Variants in RBFOX1 observed in about 807,000 individuals in gnomAD.
RBFOX1 encodes RNA binding protein fox-1 homolog 1.
Under a neutral mutation model 57.7 loss-of-function variants are expected in RBFOX1, and 8 were observed. That is an observed-to-expected ratio of 0.14 (90% CI 0.08 to 0.25). The LOEUF (loss-of-function observed/expected upper bound fraction) is 0.25. RBFOX1 is among the 10% of genes least tolerant of loss of function. The pLI is 1.00. For missense variants in RBFOX1, 611 were observed against 548.5 expected (o/e 1.11, Z -1.14); for synonymous variants, 326 against 222.4 (o/e 1.47, Z -4.15).
intron 3 of RBFOX1, chr16:5,616,057 C>G (rs1301113421): frequency 6.6e-6 from 1 of 152,622 alleles, no homozygotes; most frequent in Non-Finnish European, 1.5e-5. Context: ...ACTCCCCTCC[C>G]TGCTCCGGGG....
At chr16:6,515,099 G>A (rs2096347518) in intron 2 of RBFOX1, among the ~76,000 whole-genome samples, 1 of 149,406 alleles carries the variant, frequency 6.7e-6, no homozygotes, top group African/African-American at 2.5e-5. Flanking sequence ...GAGAAGGAGA[G>A]AAGAAATGGG....
intron 4 of RBFOX1, among the ~76,000 whole-genome samples, chr16:5,943,437 TTTC>T (rs1269981812): frequency 6.6e-6 from 1 of 152,112 alleles, no homozygotes; most frequent in Non-Finnish European, 1.5e-5. Flanking sequence ...GCAGGAAACA[TTTC>T]TGGGTCAAAA....
chr16:5,378,460 G>C (rs889884385), intron 1 of RBFOX1, among the ~76,000 whole-genome samples: 3 of 151,456 alleles, frequency 2.0e-5, no homozygotes, highest in Admixed American at 6.5e-5. Flanking sequence ...CTAACCATGT[G>C]ACTTTGCTAG....
At chr16:7,136,953 G>A (rs796556386) in intron 4 of RBFOX1, among the ~76,000 whole-genome samples, 6 of 152,306 alleles carry the variant, frequency 3.9e-5, no homozygotes, top group African/African-American at 1.4e-4. Flanking sequence ...CATGGCCCAT[G>A]GGCCAGGACT....
At chr16:6,780,696 G>T (rs1364945772) in intron 3 of RBFOX1, among the ~76,000 whole-genome samples, 2 of 149,044 alleles carry the variant, frequency 1.3e-5, no homozygotes, top group Non-Finnish European at 1.5e-5. Context: ...ATTTTAACTG[G>T]GGTGAGATAT....
chr16:7,499,721 A>G (rs1532921), intron 4 of RBFOX1, among the ~76,000 whole-genome samples: 30,711 of 151,896 alleles, frequency 0.2, 3,209 homozygotes, highest in East Asian at 0.32. Context: ...ACAACTCAAC[A>G]TATATTAAGG....
chr16:6,774,049 C>G (rs1412838211), intron 3 of RBFOX1: 1 of 950,318 alleles, frequency 1.1e-6, no homozygotes. Flanking sequence ...TGTAAATGCT[C>G]ATTGGCTTTC....
At chr16:6,003,719 C>T (rs1279065515) in intron 4 of RBFOX1, among the ~76,000 whole-genome samples, 2 of 152,232 alleles carry the variant, frequency 1.3e-5, no homozygotes, top group Non-Finnish European at 2.9e-5. Context: ...TCTTTAACAT[C>T]TCTTGGGTTC....
At chr16:6,274,574 C>G (rs2075586635) in intron 1 of RBFOX1, among the ~76,000 whole-genome samples, 1 of 152,124 alleles carries the variant, frequency 6.6e-6, no homozygotes, top group Non-Finnish European at 1.5e-5. Flanking sequence ...GAAAGGGCAA[C>G]ATGAAGGATC....
At chr16:7,223,726 A>AAG (rs1555597267) in intron 4 of RBFOX1, among the ~76,000 whole-genome samples, 4 of 149,744 alleles carry the variant, frequency 2.7e-5, no homozygotes, top group Non-Finnish European at 5.9e-5. Context: ...AAAAAAAAAA[A>AAG]AAAAAGAAAA....
intron 4 of RBFOX1, among the ~76,000 whole-genome samples, chr16:7,342,967 C>A (rs1418426316): frequency 6.6e-6 from 1 of 152,112 alleles, no homozygotes; most frequent in Non-Finnish European, 1.5e-5. Flanking sequence ...TGAATCCTTG[C>A]CCAAATCTTT....
chr16:7,197,318 C>G (rs888545619), intron 4 of RBFOX1, among the ~76,000 whole-genome samples: 1 of 151,770 alleles, frequency 6.6e-6, no homozygotes, highest in Non-Finnish European at 1.5e-5. Context: ...ACTGAGCTTG[C>G]TATCGATTTT....
chr16:7,303,660 G>T (rs1428069936), intron 4 of RBFOX1, among the ~76,000 whole-genome samples: 1 of 152,134 alleles, frequency 6.6e-6, no homozygotes, highest in African/African-American at 2.4e-5. Flanking sequence ...TTTGACAAAT[G>T]AGGAGACAGA....
At chr16:6,409,526 G>A (rs912881109) in intron 2 of RBFOX1, among the ~76,000 whole-genome samples, 2 of 152,176 alleles carry the variant, frequency 1.3e-5, no homozygotes, top group Non-Finnish European at 2.9e-5. Context: ...ACATGAGTCT[G>A]TTCAATTGTA....
In RBFOX1 at chr16:7,605,889, A is replaced by G. The variant is rs534846907; in HGVS notation, c.623-1396A>G. ...AGTCTCACTCTGTCACCTAGGCTGG[A>G]GTACAGTGGCACCATCTTGGCTCAC... On this transcript the variant is annotated intron_variant, in intron 9 of 15. Coordinates refer to ENST00000550418, the MANE Select transcript of RBFOX1 (RefSeq NM_018723.4). 2.6e-5 allele frequency among the ~76,000 whole-genome samples: 4 copies of G among 152,180 alleles called. No homozygotes were observed. In the East Asian group the frequency reaches 7.8e-4, roughly 30 times the overall value.
At chr16:6,913,594 C>G (rs1444611904) in intron 3 of RBFOX1, among the ~76,000 whole-genome samples, 2 of 152,108 alleles carry the variant, frequency 1.3e-5, no homozygotes, top group Non-Finnish European at 1.5e-5. Flanking sequence ...GGTAGCATCC[C>G]CAAGCTTTTC....
At chr16:5,943,077 C>T (rs1597887882) in intron 4 of RBFOX1, among the ~76,000 whole-genome samples, 1 of 152,184 alleles carries the variant, frequency 6.6e-6, no homozygotes, top group East Asian at 1.9e-4. Flanking sequence ...ATTCCCTCAT[C>T]AGAGATTCTC....
In RBFOX1 at chr16:7,503,927, A is replaced by G. The variant is rs551112817; in HGVS notation, c.28-14220A>G. Among the ~76,000 whole-genome samples the G allele has an allele frequency of 3.9e-5, 6 of 152,298 alleles. No homozygotes were observed. In the East Asian group the frequency reaches 1.2e-3, roughly 29 times the overall value. On this transcript the variant is annotated intron_variant, in intron 4 of 15. Coordinates refer to ENST00000550418, the MANE Select transcript of RBFOX1 (RefSeq NM_018723.4). ...TGGTATTGATAGCCAAGTACTTACT[A>G]CAGCTGAGCTTTCTGGTCTTGACTG...
chr16:6,806,837 T>TAAATATATA (rs1491107829), intron 3 of RBFOX1, among the ~76,000 whole-genome samples: 1 of 68,944 alleles, frequency 1.5e-5, no homozygotes, highest in Non-Finnish European at 2.9e-5. Flanking sequence ...TATATATATA[T>TAAATATATA]TTTTTTTTTT....
Sources: gnomAD v4.1 joint callset for allele counts (sites outside exome capture counted in the v4.1 genomes callset) on GRCh38, gnomAD v4.1.1 for gene constraint, MANE v1.5 for transcripts, NCBI Gene and HGNC (gene_info 2026-07-23, HGNC 2026-07-21) for gene names.